The following GBX1 variants were observed in gnomAD, a reference collection of about 807,000 sequenced individuals.
GBX1 encodes homeobox protein GBX-1.
GBX1 carries 9 observed loss-of-function variants against 22.9 expected under a neutral mutation model. That is an observed-to-expected ratio of 0.39 (90% CI 0.24 to 0.69). The LOEUF (loss-of-function observed/expected upper bound fraction) is 0.69. Ranked by LOEUF, GBX1 falls within the 30% of genes least tolerant of loss-of-function variation. GBX1 has a pLI of 0.43. For missense variants in GBX1, 494 were observed against 509.2 expected (o/e 0.97, Z 0.29); for synonymous variants, 203 against 227.3 (o/e 0.89, Z 0.96).
rs755673022 is a variant in GBX1, at chr7:151,149,009, C to T, written c.672G>A (p.Gly224=). 8 of 1,613,994 alleles carry T rather than the reference C, an allele frequency of 5.0e-6. No individual in the cohort carries two copies. Among genetic ancestry groups the T allele is most frequent in the East Asian group, 2.2e-5 (1 of 44,870 alleles). ...EDDGFLDSSA[G]GPGALLGPKP... ...TAGGTCCCAGAAGAGCCCCTGGGCC[C>T]CCTGCAGAACTGTCCAGGAAACCGT... Residue 224 remains glycine, a synonymous_variant, in exon 2 of 2, where the codon GGG becomes GGA. Transcript: ENST00000297537.
intron 1 of GBX1, among the ~76,000 whole-genome samples, chr7:151,160,628 G>C (rs1801179350): frequency 6.6e-6 from 1 of 152,136 alleles, no homozygotes; most frequent in Non-Finnish European, 1.5e-5. Context: ...GACACTGCTT[G>C]CAGCACCTGT....
At chr7:151,152,750 G>A (rs1801094457) in intron 1 of GBX1, among the ~76,000 whole-genome samples, 2 of 152,178 alleles carry the variant, frequency 1.3e-5, no homozygotes, top group Admixed American at 1.3e-4. Flanking sequence ...TCTTCAGACA[G>A]ATCCATAAAA....
rs1197448693 is a variant in GBX1 at position 151,148,114 on chromosome 7, A to G, written c.*475T>C. ...GAGGATTGAGGAAACAACTTTCCCA[A>G]TCCCTCTCAGGGGTGCAGACAGACG... On this transcript the variant is annotated 3_prime_UTR_variant, in exon 2 of 2. Transcript: ENST00000297537. This position sits in a 1 kb window ranked among gnomAD's most constrained non-coding sequence, Gnocchi z 5.1. Among the ~76,000 whole-genome samples the G allele has an allele frequency of 1.3e-5, 2 of 152,158 alleles. No individual in the cohort carries two copies. The highest frequency in any genetic ancestry group is 1.9e-4 in the East Asian group (1 of 5,194).
chr7:151,149,164 T>C lies in GBX1; in HGVS notation c.539-22A>G, dbSNP rs373834136. The C allele has an allele frequency of 3.8e-6, 6 of 1,584,710 alleles. No individual in the cohort carries two copies. In the African/African-American group the frequency reaches 5.4e-5, roughly 14 times the overall value. The stretch of plus-strand genomic sequence containing the variant: ...TCTGCTGTGAGGAGCAAGAAGCCAA[T>C]GGATGGGGAGGGAGAAGCAAGAAAA... On this transcript the variant is annotated intron_variant, in intron 1 of 1. Coordinates refer to ENST00000297537, the MANE Select transcript of GBX1 (RefSeq NM_001098834.3).
Position 151,167,497 on chromosome 7 carries a change from C to G in GBX1, c.52G>C (p.Gly18Arg). Reference sequence around the variant, plus strand: ...GAGAAGGCAGTGCCCGGGCCCCCGCCGCCGCCCCCGCCGTTGCCCCCAGGG... The same window carrying G: ...GAGAAGGCAGTGCCCGGGCCCCCGCGGCCGCCCCCGCCGTTGCCCCCAGGG... The part of the protein sequence containing the change: ...SAPGGNGGGG[G>R]GGPGTAFSID... The change falls in exon 1 of 2, where the codon GGC (glycine) becomes CGC (arginine). Residue 18 changes from glycine (G) to arginine (R), a missense_variant. Gly to Arg is a moderately radical substitution (Grantham distance 125, BLOSUM62 -2). Around this residue, in one of 3 missense-constraint regions of GBX1, gnomAD observed 365 missense variants for 340.4 expected, o/e 1.07. Coordinates refer to ENST00000297537, the MANE Select transcript of GBX1 (RefSeq NM_001098834.3). This position sits in a 1 kb window ranked among gnomAD's most constrained non-coding sequence, Gnocchi z 5.9. 1 of 1,483,380 alleles carries G rather than the reference C, an allele frequency of 6.7e-7. No homozygotes were observed. 91.9% of individuals were successfully genotyped at this position (1,483,380 alleles called of 1,614,324 possible).
intron 1 of GBX1, among the ~76,000 whole-genome samples, chr7:151,151,855 G>A (rs915190246): frequency 5.3e-5 from 8 of 152,062 alleles, no homozygotes; most frequent in Admixed American, 3.3e-4. Flanking sequence ...TCCTCTTTCT[G>A]TCTGGAATAC....
At chr7:151,166,481 C>CCG (rs1554475949) in intron 1 of GBX1, among the ~76,000 whole-genome samples, 17 of 124,686 alleles carry the variant, frequency 1.4e-4, no homozygotes, top group African/African-American at 4.0e-4. Context: ...GCAACCCCCC[C>CCG]CCCCCAACAC....
At chr7:151,153,715 T>C (rs1801104078) in intron 1 of GBX1, among the ~76,000 whole-genome samples, 1 of 151,694 alleles carries the variant, frequency 6.6e-6, no homozygotes, top group Non-Finnish European at 1.5e-5. Context: ...GCTGGCTAAC[T>C]TTTTTATTTT....
At chr7:151,149,442 C>T (rs1801052455) in intron 1 of GBX1, among the ~76,000 whole-genome samples, 1 of 151,890 alleles carries the variant, frequency 6.6e-6, no homozygotes, top group South Asian at 2.1e-4. Context: ...CCCTCAACTT[C>T]CCCACCACCC....
At chr7:151,166,487 A>AAC (rs767762750) in intron 1 of GBX1, among the ~76,000 whole-genome samples, 10,082 of 55,728 alleles carry the variant, frequency 0.18, 1,025 homozygotes, top group African/African-American at 0.34. Context: ...CCCCCCCCCC[A>AAC]ACACACACAC....
At chr7:151,151,975 C>T (rs1284226375) in intron 1 of GBX1, among the ~76,000 whole-genome samples, 1 of 152,214 alleles carries the variant, frequency 6.6e-6, no homozygotes, top group African/African-American at 2.4e-5. Context: ...CTGATACTCT[C>T]TATGTCCTTT....
In GBX1 at chr7:151,167,572, C is replaced by G; in HGVS notation, c.-24G>C. On this transcript the variant is annotated 5_prime_UTR_variant, in exon 1 of 2. Transcript: ENST00000297537. This position sits in a 1 kb window ranked among gnomAD's most constrained non-coding sequence, Gnocchi z 5.9. Reference sequence around the variant, plus strand: ...ATCTTGTTCGGAGCTGCGGCCGCCCCGGGGCGCTCCTCTCTGGGCGCCTCC... The same window carrying G: ...ATCTTGTTCGGAGCTGCGGCCGCCCGGGGGCGCTCCTCTCTGGGCGCCTCC... The G allele has an allele frequency of 7.1e-7, 1 of 1,400,176 alleles. No individual in the cohort carries two copies. The highest frequency in any genetic ancestry group is 9.2e-7 in the Non-Finnish European group (1 of 1,088,620). 86.7% of individuals were successfully genotyped at this position (1,400,176 alleles called of 1,614,324 possible).
rs2150552158 is a variant in GBX1, at chr7:151,167,628, G to T, written c.-80C>A. 5.0e-6 allele frequency: 6 copies of T among 1,210,548 alleles called. No homozygotes were observed. In the South Asian group the frequency reaches 1.8e-4, roughly 37 times the overall value. The allele number at this position is 1,210,548 out of a possible 1,614,324, so 75.0% of individuals were successfully genotyped here. ...CCCCGCGGCTCGGGCGCCCCGCGCG[G>T]ACACGCAGGGCTCGCTCCCTGGCTC... On this transcript the variant is annotated 5_prime_UTR_variant, in exon 1 of 2. Coordinates refer to ENST00000297537, the MANE Select transcript of GBX1 (RefSeq NM_001098834.3). This position sits in a 1 kb window ranked among gnomAD's most constrained non-coding sequence, Gnocchi z 5.9.
Position 151,148,971 on chromosome 7 carries a change from T to G in GBX1, c.710A>C (p.Lys237Thr). 1 of 1,613,926 alleles carries G rather than the reference T, an allele frequency of 6.2e-7. No individual in the cohort carries two copies. The highest frequency in any genetic ancestry group is 8.5e-7 in the Non-Finnish European group (1 of 1,179,992). The change falls in exon 2 of 2, where the codon AAG becomes ACG. Residue 237 changes from lysine (K) to threonine (T), a missense_variant. Lys to Thr is a moderately conservative substitution (Grantham distance 78, BLOSUM62 -1). This residue lies in a region of GBX1 where 365 missense variants were observed against 340.4 expected (regional missense o/e 1.07). Transcript: ENST00000297537. This position sits in a 1 kb window ranked among gnomAD's most constrained non-coding sequence, Gnocchi z 5.1. ...CTCAGCTCCAGTCCCCAGGCTTCCCTTTAGCTTCGGTTTAGGTCCCAGAAG... is the reference window on the plus strand; with the variant it reads ...CTCAGCTCCAGTCCCCAGGCTTCCCGTTAGCTTCGGTTTAGGTCCCAGAAG... ...GALLGPKPKL[K>T]GSLGTGAEEG... is the part of the protein sequence containing the mutation.
chr7:151,155,784 C>A (rs551119524), intron 1 of GBX1, among the ~76,000 whole-genome samples: 1 of 152,110 alleles, frequency 6.6e-6, no homozygotes, highest in Non-Finnish European at 1.5e-5. Context: ...ACTATCTTAT[C>A]TTCAAGCAGT....
At chr7:151,152,533 T>C (rs1486123497) in intron 1 of GBX1, among the ~76,000 whole-genome samples, 1 of 152,226 alleles carries the variant, frequency 6.6e-6, no homozygotes, top group Admixed American at 6.5e-5. Context: ...AACAAAGGCT[T>C]GTACAAACTC....
intron 1 of GBX1, among the ~76,000 whole-genome samples, chr7:151,159,085 ATTTT>A (rs34407378): frequency 2.8e-5 from 4 of 140,824 alleles, no homozygotes; most frequent in Non-Finnish European, 4.6e-5. Flanking sequence ...AAGTGTCTGA[ATTTT>A]TTTTTTTTTT....
At chr7:151,159,267 G>A (rs1279628803) in intron 1 of GBX1, among the ~76,000 whole-genome samples, 1 of 151,900 alleles carries the variant, frequency 6.6e-6, no homozygotes, top group Non-Finnish European at 1.5e-5. Flanking sequence ...TGTATTTTTT[G>A]TAGAGACGGG....
intron 1 of GBX1, among the ~76,000 whole-genome samples, chr7:151,158,497 C>T (rs1415609798): frequency 6.6e-6 from 1 of 150,958 alleles, no homozygotes; most frequent in South Asian, 2.1e-4. Flanking sequence ...GGAGAACAGG[C>T]CCTAGTGAGG....
Sources: gnomAD v4.1 joint callset for allele counts (sites outside exome capture counted in the v4.1 genomes callset) on GRCh38, gnomAD v4.1.1 for gene constraint, gnomAD v4.1.1 regional missense constraint, Gnocchi (gnomAD v3.1) non-coding constraint, MANE v1.5 for transcripts, NCBI Gene and HGNC (gene_info 2026-07-23, HGNC 2026-07-21) for gene names.